ST6GALNAC5: variants seen among roughly 807,000 people sequenced by gnomAD.
ST6GALNAC5 encodes the protein ST6 N-acetylgalactosaminide alpha-2,6-sialyltransferase 5.
In ST6GALNAC5, 27 loss-of-function variants were observed where a neutral mutation model predicts 33.6. The ratio of observed to expected loss-of-function variants is 0.80; its 90% confidence interval spans 0.59 to 1.11. The LOEUF is 1.11. Ranked by LOEUF, ST6GALNAC5 falls within the 50% of genes least tolerant of loss-of-function variation. ST6GALNAC5 has a pLI of 0.00. For missense variants in ST6GALNAC5, 428 were observed against 454.0 expected, an observed-to-expected ratio of 0.94 and a Z score of 0.52; for synonymous variants, 194 against 171.2, an observed-to-expected ratio of 1.13 and a Z score of -1.04.
intron 2 of ST6GALNAC5, among the ~76,000 whole-genome samples, chr1:76,974,234 A>G (rs1175339892): frequency 6.9e-6 from 1 of 144,762 alleles, no homozygotes; most frequent in Non-Finnish European, 1.5e-5. Context: ...TTTTTTAGAA[A>G]TAAGGCCTCG....
intron 2 of ST6GALNAC5, among the ~76,000 whole-genome samples, chr1:77,013,818 G>A (rs188681790): frequency 6.6e-6 from 1 of 152,306 alleles, no homozygotes; most frequent in African/African-American, 2.4e-5. Flanking sequence ...GTCTTGGAGA[G>A]GGCTGTTTAA....
At chr1:76,945,013 A>G (rs768510044) in intron 2 of ST6GALNAC5, among the ~76,000 whole-genome samples, 1 of 152,100 alleles carries the variant, frequency 6.6e-6, no homozygotes, top group Non-Finnish European at 1.5e-5. Flanking sequence ...GCCTGGCCCA[A>G]AGAAGGTCTT....
intron 2 of ST6GALNAC5, among the ~76,000 whole-genome samples, chr1:76,948,523 T>C (rs1647612242): frequency 6.7e-6 from 1 of 148,870 alleles, no homozygotes; most frequent in Non-Finnish European, 1.5e-5. Context: ...AATTCCAGAA[T>C]GGAATTCATT....
At chr1:76,878,895 G>C (rs543713263) in intron 2 of ST6GALNAC5, among the ~76,000 whole-genome samples, 18 of 152,204 alleles carry the variant, frequency 1.2e-4, no homozygotes, top group African/African-American at 4.3e-4. Context: ...TTGCTGCTTT[G>C]CCTCTGCTGT....
chr1:77,007,087 A>G (rs1408175618), intron 2 of ST6GALNAC5, among the ~76,000 whole-genome samples: 2 of 152,230 alleles, frequency 1.3e-5, no homozygotes, highest in African/African-American at 2.4e-5. Flanking sequence ...TGGGCAGAGC[A>G]AGTCACCTGG....
intron 2 of ST6GALNAC5, among the ~76,000 whole-genome samples, chr1:76,925,662 T>C (rs1414746929): frequency 1.3e-5 from 2 of 152,102 alleles, no homozygotes; most frequent in Admixed American, 6.6e-5. Flanking sequence ...CCATAATGGA[T>C]GATAATGTTT....
In ST6GALNAC5 at chr1:76,877,993, C is replaced by T. The variant is rs556274444; in HGVS notation, c.261+9251C>T. ...GAAACCACATCTGGTACAGCAGCTG[C>T]AATTGGAGTCCCCATTTTGTTAAGT... On this transcript the variant is annotated intron_variant, in intron 2 of 4. Coordinates refer to ENST00000477717, the MANE Select transcript of ST6GALNAC5 (RefSeq NM_030965.3). 2.5e-4 allele frequency among the ~76,000 whole-genome samples: 38 copies of T among 152,324 alleles called. No homozygotes were observed. The South Asian group carries it at 7.5e-3, about 30-fold the overall frequency.
chr1:77,055,841 G>A (rs377060097), intron 4 of ST6GALNAC5, among the ~76,000 whole-genome samples: 1 of 152,200 alleles, frequency 6.6e-6, no homozygotes, highest in East Asian at 1.9e-4. Context: ...ACTTGTCATT[G>A]TGTCTGGCAT....
chr1:77,020,052 G>T (rs887654978), intron 2 of ST6GALNAC5, among the ~76,000 whole-genome samples: 7 of 152,132 alleles, frequency 4.6e-5, no homozygotes, highest in Non-Finnish European at 8.8e-5. Context: ...GTAAAGAATT[G>T]AGCCAAGCAC....
chr1:76,954,317 G>A (rs561897692), intron 2 of ST6GALNAC5, among the ~76,000 whole-genome samples: 1 of 152,220 alleles, frequency 6.6e-6, no homozygotes, highest in African/African-American at 2.4e-5. Context: ...TTATAAGTGG[G>A]AGCTGAATTA....
chr1:77,044,558 C>T lies in ST6GALNAC5; in HGVS notation c.616C>T (p.Arg206Cys), dbSNP rs758804099. Reference sequence around the variant, plus strand: ...CCGGCTGAAGGCCTTCATGATTACTCGCCACAAGATGCTGCAGTTTGATGA... The same window carrying T: ...CCGGCTGAAGGCCTTCATGATTACTTGCCACAAGATGCTGCAGTTTGATGA... ...LPRLKAFMIT[R>C]HKMLQFDELF... The change falls in exon 3 of 5, where the codon CGC becomes TGC. Residue 206 changes from arginine to cysteine, a missense_variant. Physicochemically the swap from Arg to Cys is radical, Grantham distance 180 (BLOSUM62 -3). Transcript: ENST00000477717. 27 of 1,597,796 alleles carry T rather than the reference C, an allele frequency of 1.7e-5. No homozygotes were observed. Among genetic ancestry groups the T allele is most frequent in the African/African-American group, 2.7e-5 (2 of 74,734 alleles).
intron 2 of ST6GALNAC5, among the ~76,000 whole-genome samples, chr1:76,915,241 G>A (rs1646958127): frequency 6.6e-6 from 1 of 151,458 alleles, no homozygotes; most frequent in South Asian, 2.1e-4. Flanking sequence ...TTACACTGTT[G>A]GTGGGACTGT....
In ST6GALNAC5 at chr1:76,868,622, G is replaced by A. The variant is rs755905657; in HGVS notation, c.141G>A (p.Gln47=). 5.7e-4 allele frequency: 924 copies of A among 1,610,198 alleles called. 2 individuals carry two copies. Among genetic ancestry groups the A allele is most frequent in the Non-Finnish European group, 7.3e-4 (857 of 1,178,678 alleles). ...AGCAGCAGCAGCAGCAGCAACAGCA[G>A]CAGCAGGCGTCGGCCACCGGCAGCT... ...PQQQQQQQQQ[Q]QQASATGSSQ... The change falls in exon 2 of 5, where the codon CAG becomes CAA. Residue 47 remains glutamine (Q), a synonymous_variant. Transcript: ENST00000477717. This position sits in a 1 kb window ranked among gnomAD's most constrained non-coding sequence, Gnocchi z 4.3.
intron 4 of ST6GALNAC5, among the ~76,000 whole-genome samples, chr1:77,052,272 A>C (rs946119759): frequency 1.3e-5 from 2 of 152,232 alleles, no homozygotes; most frequent in African/African-American, 4.8e-5. Context: ...GCTCAGTCAT[A>C]AAGCCTGTTA....
chr1:77,040,472 C>T (rs945703147), intron 2 of ST6GALNAC5, among the ~76,000 whole-genome samples: 7 of 152,166 alleles, frequency 4.6e-5, no homozygotes, highest in Admixed American at 3.9e-4. Flanking sequence ...CTGGCATGTT[C>T]TAGTGGTGCC....
chr1:76,907,425 A>T (rs1416374211), intron 2 of ST6GALNAC5, among the ~76,000 whole-genome samples: 1 of 152,090 alleles, frequency 6.6e-6, no homozygotes, highest in African/African-American at 2.4e-5. Flanking sequence ...TAATAGTGCA[A>T]CCCAACTCAT....
At position 76,868,598 on chromosome 1, in the gene ST6GALNAC5, GCAGCAGCAGCAGCAGCAA is replaced by G. The variant is rs776586335; in HGVS notation, c.130_147del (p.Gln44_Gln49del). 1 of 1,609,924 alleles carries G rather than the reference GCAGCAGCAGCAGCAGCAA, an allele frequency of 6.2e-7. No homozygotes were observed. The highest frequency in any genetic ancestry group is 1.7e-5 in the Admixed American group (1 of 59,920). ...GCCAGAAGGAGCGGCCCCCGCAGCA[GCAGCAGCAGCAGCAGCAA>G]CAGCAGCAGCAGGCGTCGGCCACCG... On this transcript the variant is annotated inframe_deletion, in exon 2 of 5. Coordinates refer to ENST00000477717, the MANE Select transcript of ST6GALNAC5 (RefSeq NM_030965.3). This position sits in a 1 kb window ranked among gnomAD's most constrained non-coding sequence, Gnocchi z 4.3.
At chr1:76,967,016 T>C (rs1648523425) in intron 2 of ST6GALNAC5, among the ~76,000 whole-genome samples, 1 of 152,204 alleles carries the variant, frequency 6.6e-6, no homozygotes. Context: ...TTATTGAGGA[T>C]TTTTGCATCA....
At position 76,868,609 on chromosome 1, in the gene ST6GALNAC5, A is replaced by AGCG; in HGVS notation, c.130_131insGGC (p.Gln43_Gln44insArg). 1 of 1,611,332 alleles carries AGCG rather than the reference A, an allele frequency of 6.2e-7. No individual in the cohort carries two copies. Among genetic ancestry groups the AGCG allele is most frequent in the Non-Finnish European group, 8.5e-7 (1 of 1,179,196 alleles). On this transcript the variant is annotated inframe_insertion, in exon 2 of 5. Transcript: ENST00000477717. The surrounding 1 kb of genome is among the most constrained non-coding windows in gnomAD (Gnocchi z 4.3). ...CGGCCCCCGCAGCAGCAGCAGCAGCAGCAGCAACAGCAGCAGCAGGCGTCG... is the reference window on the plus strand; with the variant it reads ...CGGCCCCCGCAGCAGCAGCAGCAGCAGCGGCAGCAACAGCAGCAGCAGGCGTCG...
Sources: gnomAD v4.1 joint callset for allele counts (sites outside exome capture counted in the v4.1 genomes callset) on GRCh38, gnomAD v4.1.1 for gene constraint, Gnocchi (gnomAD v3.1) non-coding constraint, MANE v1.5 for transcripts, NCBI Gene and HGNC (gene_info 2026-07-23, HGNC 2026-07-21) for gene names.